ADAMTS17: variants seen among roughly 807,000 people sequenced by gnomAD.
ADAMTS17 encodes the protein ADAM metallopeptidase with thrombospondin type 1 motif 17, also known as A disintegrin and metalloproteinase with thrombospondin motifs 17.
A neutral mutation model predicts 141.5 loss-of-function variants in ADAMTS17; 113 were observed. That is an observed-to-expected ratio of 0.80 (90% CI 0.69 to 0.93). ADAMTS17 has a LOEUF of 0.93. Among genes scored for constraint, ADAMTS17 ranks in the 40% least tolerant of loss-of-function variants. ADAMTS17 has a pLI of 0.00. For missense variants in ADAMTS17, 1,659 were observed against 1,517.9 expected, an observed-to-expected ratio of 1.09 and a Z score of -1.54; for synonymous variants, 768 against 630.6, an observed-to-expected ratio of 1.22 and a Z score of -3.27.
chr15:100,045,076 G>C (rs1006343303), intron 18 of ADAMTS17, among the ~76,000 whole-genome samples: 1 of 151,870 alleles, frequency 6.6e-6, no homozygotes, highest in Non-Finnish European at 1.5e-5. Flanking sequence ...CAAAGTGGTG[G>C]GATTACAGGT....
intron 4 of ADAMTS17, among the ~76,000 whole-genome samples, chr15:100,279,515 TC>T (rs905370208): frequency 6.6e-6 from 1 of 152,262 alleles, no homozygotes; most frequent in African/African-American, 2.4e-5. Flanking sequence ...TGCACCCATT[TC>T]GTTTAACCTT....
At chr15:100,114,584 G>A (rs2141134029) in intron 13 of ADAMTS17, among the ~76,000 whole-genome samples, 1 of 152,282 alleles carries the variant, frequency 6.6e-6, no homozygotes, top group South Asian at 2.1e-4. Flanking sequence ...CCCGAGCGTG[G>A]GGTCTCTCCT....
At chr15:100,023,475 G>A (rs2061443407) in intron 18 of ADAMTS17, among the ~76,000 whole-genome samples, 1 of 151,972 alleles carries the variant, frequency 6.6e-6, no homozygotes, top group African/African-American at 2.4e-5. Flanking sequence ...CAAAGTGGTG[G>A]GATTACAGGG....
intron 18 of ADAMTS17, among the ~76,000 whole-genome samples, chr15:100,006,816 T>C (rs1206239773): frequency 6.6e-6 from 1 of 152,160 alleles, no homozygotes; most frequent in African/African-American, 2.4e-5. Context: ...GAGCATCTGT[T>C]AGAGACAGGC....
intron 3 of ADAMTS17, chr15:100,306,139 C>T (rs140048381): frequency 0.012 from 3,023 of 251,370 alleles, 25 homozygotes; most frequent in Non-Finnish European, 0.016. Flanking sequence ...TGCACAGTAG[C>T]CCTTTGTCAC....
intron 8 of ADAMTS17, among the ~76,000 whole-genome samples, chr15:100,198,248 A>G (rs957397213): frequency 6.6e-6 from 1 of 152,242 alleles, no homozygotes; most frequent in Non-Finnish European, 1.5e-5. Context: ...GCATTTTAAA[A>G]AGTGAATTAA....
At chr15:100,325,768 G>A (rs80284975) in intron 3 of ADAMTS17, among the ~76,000 whole-genome samples, 1,964 of 152,174 alleles carry the variant, frequency 0.013, 34 homozygotes, top group African/African-American at 0.043. Flanking sequence ...TTATGTAGAC[G>A]CTGCAGAACT....
rs144791779 is a variant in ADAMTS17 at position 100,338,463 on chromosome 15, C to T, written c.450+2576G>A. ...AGCAATTAACATGATACTCAACATC[C>T]GGAACGAAGTTTTGTTGAACGTGGC... On this transcript the variant is annotated intron_variant, in intron 2 of 21. Transcript: ENST00000268070. Among the ~76,000 whole-genome samples the T allele has an allele frequency of 3.7e-4, 56 of 152,256 alleles. 1 individual carries two copies. The highest frequency in any genetic ancestry group is 6.8e-3 in the Middle Eastern group (2 of 294).
At chr15:100,183,594 G>A (rs573836268) in intron 8 of ADAMTS17, among the ~76,000 whole-genome samples, 13 of 151,992 alleles carry the variant, frequency 8.6e-5, no homozygotes, top group South Asian at 2.1e-4. Context: ...ATTTATAATC[G>A]TCGTTAGACA....
chr15:100,068,822 G>A (rs533481039), intron 15 of ADAMTS17, among the ~76,000 whole-genome samples: 4 of 152,264 alleles, frequency 2.6e-5, no homozygotes, highest in African/African-American at 9.6e-5. Flanking sequence ...AGAAAAACTG[G>A]AAACTCTAAA....
In ADAMTS17 at chr15:100,239,907, A is replaced by G. The variant is rs1596340608; in HGVS notation, c.1075+14229T>C. Among the ~76,000 whole-genome samples, 3 of 152,002 alleles carry G rather than the reference A, an allele frequency of 2.0e-5. No homozygotes were observed. The South Asian group carries it at 6.2e-4, about 32-fold the overall frequency. ...CGCCCCACCTTCAGGATCACCCTCC[A>G]CCCTCAGCCAGTGAAGGAGGAGGTG... On this transcript the variant is annotated intron_variant, in intron 7 of 21. Coordinates refer to ENST00000268070, the MANE Select transcript of ADAMTS17 (RefSeq NM_139057.4).
chr15:100,154,407 G>A (rs749970181), intron 9 of ADAMTS17, among the ~76,000 whole-genome samples: 1 of 152,168 alleles, frequency 6.6e-6, no homozygotes, highest in South Asian at 2.1e-4. Context: ...TGGCACCTTT[G>A]CCACTACATC....
rs532570154 is a variant in ADAMTS17, at chr15:99,972,930, A to G, written c.*1472T>C. 2 of 152,382 alleles carry G rather than the reference A, an allele frequency of 1.3e-5. No homozygotes were observed. Among genetic ancestry groups the G allele is most frequent in the East Asian group, 1.9e-4 (1 of 5,176 alleles). The allele number at this position is 152,382 out of a possible 1,614,324, so 9.4% of individuals were successfully genotyped here. On this transcript the variant is annotated 3_prime_UTR_variant, in exon 22 of 22. Transcript: ENST00000268070. ...TCAAGAAGCACAGGGAGATGATCCC[A>G]TGGAAGTCCAAGTGAGACCTTCCGT...
At chr15:100,291,287 C>A (rs150543437) in intron 3 of ADAMTS17, among the ~76,000 whole-genome samples, 459 of 152,270 alleles carry the variant, frequency 3.0e-3, no homozygotes, top group African/African-American at 0.01. Flanking sequence ...CAAACCAAAA[C>A]CACAATGAGA....
intron 15 of ADAMTS17, among the ~76,000 whole-genome samples, chr15:100,090,649 A>G (rs2035398116): frequency 6.6e-6 from 1 of 152,172 alleles, no homozygotes; most frequent in Non-Finnish European, 1.5e-5. Context: ...TGACCTCTCA[A>G]CGCAGGGCAG....
intron 6 of ADAMTS17, among the ~76,000 whole-genome samples, chr15:100,258,765 T>C (rs1423020231): frequency 6.6e-6 from 1 of 152,110 alleles, no homozygotes; most frequent in Non-Finnish European, 1.5e-5. Context: ...AAGTTTGAGG[T>C]ATAGAAAAGA....
rs1333141572 is a variant in ADAMTS17 at position 99,973,225 on chromosome 15, G to A, written c.*1177C>T. ...CAAGAAGATGGGTCAATGATGACAG[G>A]CGTGATGATAATGGGTACCACAAAG... On this transcript the variant is annotated 3_prime_UTR_variant, in exon 22 of 22. Transcript: ENST00000268070. The A allele has an allele frequency of 6.6e-6, 1 of 152,098 alleles. No homozygotes were observed. Among genetic ancestry groups the A allele is most frequent in the East Asian group, 1.9e-4 (1 of 5,188 alleles). The allele number at this position is 152,098 out of a possible 1,614,324, so 9.4% of individuals were successfully genotyped here.
intron 3 of ADAMTS17, among the ~76,000 whole-genome samples, chr15:100,299,251 T>C (rs1169215221): frequency 6.6e-6 from 1 of 151,788 alleles, no homozygotes; most frequent in Admixed American, 6.6e-5. Flanking sequence ...CCTCAAGAAG[T>C]GTGGATGAGG....
At chr15:100,118,569 T>C (rs2037284436) in intron 12 of ADAMTS17, among the ~76,000 whole-genome samples, 1 of 152,180 alleles carries the variant, frequency 6.6e-6, no homozygotes, top group African/African-American at 2.4e-5. Context: ...GCTTCCTGTC[T>C]AGAAGGCAAG....
Sources: gnomAD v4.1 joint callset for allele counts (sites outside exome capture counted in the v4.1 genomes callset) on GRCh38, gnomAD v4.1.1 for gene constraint, MANE v1.5 for transcripts, NCBI Gene and HGNC (gene_info 2026-07-23, HGNC 2026-07-21) for gene names.